ZNF695: variants seen among roughly 807,000 people sequenced by gnomAD.
The protein encoded by ZNF695 is zinc finger protein SBZF3.
ZNF695 carries 11 observed loss-of-function variants against 11.2 expected under a neutral mutation model. The observed-to-expected ratio is 0.98, with a 90% confidence interval of 0.62 to 1.62. The LOEUF is 1.62. ZNF695 is among the 40% of genes most tolerant of loss of function. The pLI is 0.00. For missense variants in ZNF695, 559 were observed against 590.5 expected (o/e 0.95, Z 0.55); for synonymous variants, 190 against 201.4 (o/e 0.94, Z 0.48).
At chr1:246,969,663 C>G (rs1434506443) in intron 4 of ZNF695, 1 of 152,202 alleles carries the variant, frequency 6.6e-6, no homozygotes, top group Non-Finnish European at 1.5e-5. Context: ...TAAAGAACTA[C>G]CTGAGTCTGG....
chr1:247,007,790 A>G, intron 1 of ZNF695, 116 bp downstream of exon 1: 2 of 1,249,298 alleles, frequency 1.6e-6, no homozygotes, highest in South Asian at 2.1e-5. Context: ...ACTCGGCCGC[A>G]CACTCCGGAG....
rs1263331454 is a variant in ZNF695 at position 246,987,423 on chromosome 1, G to A, written c.1092C>T (p.Ser364=). ...TTCTCCTATGTTCAGTCAGATGTGA[G>A]CTCTGGTTAAAGGCTTTTCCACATT... ...CEECGKAFNQ[S]SHLTEHRRIH... The change falls in exon 4 of 4, where the codon AGC becomes AGT. Residue 364 remains serine, a synonymous_variant. Transcript: ENST00000339986. The A allele has an allele frequency of 5.0e-6, 8 of 1,612,430 alleles. No individual in the cohort carries two copies. Among genetic ancestry groups the A allele is most frequent in the Admixed American group, 3.3e-5 (2 of 59,762 alleles).
intron 3 of ZNF695, chr1:246,995,912 C>A: frequency 1.5e-5 from 5 of 325,982 alleles, no homozygotes; most frequent in Non-Finnish European, 3.0e-5. Context: ...GAATAGAAAA[C>A]ACAGAAACAA....
chr1:246,978,944 G>A (rs552832433), intron 4 of ZNF695, among the ~76,000 whole-genome samples: 9 of 152,146 alleles, frequency 5.9e-5, no homozygotes, highest in East Asian at 3.8e-4. Flanking sequence ...TACAGTGATC[G>A]TGAATGCTTT....
intron 5 of ZNF695, among the ~76,000 whole-genome samples, chr1:246,961,360 C>T (rs552092829): frequency 2.8e-4 from 42 of 152,272 alleles, no homozygotes; most frequent in Non-Finnish European, 1.2e-4. Context: ...CGTAGATACT[C>T]GATAAAGTCT....
At chr1:246,959,828 T>G (rs1668119433) in intron 5 of ZNF695, among the ~76,000 whole-genome samples, 1 of 152,204 alleles carries the variant, frequency 6.6e-6, no homozygotes, top group Non-Finnish European at 1.5e-5. Flanking sequence ...CAGCTAGATG[T>G]TCTTAGTTCT....
intron 2 of ZNF695, among the ~76,000 whole-genome samples, 178 bp from the exon 3 acceptor site, chr1:246,999,618 C>T (rs560709868): frequency 2.7e-4 from 41 of 152,194 alleles, no homozygotes; most frequent in African/African-American, 9.2e-4. Context: ...GAGTCCTTAG[C>T]CCTGCTACCA....
intron 4 of ZNF695, among the ~76,000 whole-genome samples, chr1:246,972,208 A>G (rs1668445417): frequency 6.6e-6 from 1 of 152,160 alleles, no homozygotes. Context: ...CCTACTAACC[A>G]GGCCTCCTAG....
intron 5 of ZNF695, among the ~76,000 whole-genome samples, chr1:246,950,917 T>C (rs1472580599): frequency 5.3e-5 from 8 of 152,064 alleles, no homozygotes; most frequent in Non-Finnish European, 5.9e-5. Context: ...CCACTCCAAA[T>C]TGAAAAATAT....
intron 5 of ZNF695, among the ~76,000 whole-genome samples, chr1:246,964,376 C>T (rs571504057): frequency 9.2e-5 from 14 of 152,096 alleles, no homozygotes; most frequent in East Asian, 3.9e-4. Flanking sequence ...GAAAAAAAGA[C>T]GCTACTATTA....
intron 3 of ZNF695, among the ~76,000 whole-genome samples, chr1:246,993,907 C>T (rs1328273382): frequency 6.6e-6 from 1 of 152,232 alleles, no homozygotes; most frequent in African/African-American, 2.4e-5. Flanking sequence ...GGTGCGGTGG[C>T]TCACGCCTGT....
downstream of ZNF695, among the ~76,000 whole-genome samples, chr1:246,980,335 G>A (rs1464883370): frequency 2.0e-5 from 3 of 150,864 alleles, no homozygotes; most frequent in Non-Finnish European, 4.4e-5. Context: ...CTATTTGGCT[G>A]TTATATTATA....
At chr1:246,984,280 TAA>T (rs1278200712), downstream of ZNF695, among the ~76,000 whole-genome samples, 3,271 of 130,866 alleles carry the variant, frequency 0.025, 49 homozygotes, top group African/African-American at 0.03. Flanking sequence ...ACACAGGTTT[TAA>T]AAAAAAAAAA....
At chr1:246,976,773 G>C (rs539885430) in intron 4 of ZNF695, among the ~76,000 whole-genome samples, 4 of 152,024 alleles carry the variant, frequency 2.6e-5, no homozygotes, top group Admixed American at 6.6e-5. Context: ...CAGCCTGGGC[G>C]ACAGAGCGAA....
Position 247,007,973 on chromosome 1 carries a change from C to A in ZNF695, c.-65G>T. On this transcript the variant is annotated 5_prime_UTR_variant, in exon 1 of 4. Coordinates refer to ENST00000339986, the MANE Select transcript of ZNF695 (RefSeq NM_020394.5). ...CTCGCAATACCTGCAGGCCACAGGG[C>A]GATGGAGCCTGCGGCAGTCACCCGG... 2.1e-6 allele frequency: 3 copies of A among 1,443,620 alleles called. No individual in the cohort carries two copies. Among genetic ancestry groups the A allele is most frequent in the South Asian group, 3.1e-5 (2 of 65,082 alleles). The allele number at this position is 1,443,620 out of a possible 1,614,324, so 89.4% of individuals were successfully genotyped here. A position where few individuals can be genotyped will look rare whatever the true frequency, so the allele number is the denominator to read the frequency against.
chr1:246,958,082 A>G (rs1344938888), intron 5 of ZNF695, among the ~76,000 whole-genome samples: 7 of 148,640 alleles, frequency 4.7e-5, no homozygotes, highest in Non-Finnish European at 8.9e-5. Context: ...TTTTTGAGAC[A>G]GAGTCTTGCT....
In ZNF695 at chr1:246,978,952, T is replaced by C. The variant is rs182911961; in HGVS notation, c.390+9173A>G. 4.0e-4 allele frequency among the ~76,000 whole-genome samples: 61 copies of C among 152,316 alleles called. No homozygotes were observed. The East Asian group carries it at 9.5e-3, about 24-fold the overall frequency. Reference sequence around the variant, plus strand: ...AGTAAGATACAGTGATCGTGAATGCTTTTAAGTGGACTCTAGTCTTGTTTA... The same window carrying C: ...AGTAAGATACAGTGATCGTGAATGCCTTTAAGTGGACTCTAGTCTTGTTTA... On this transcript the variant is annotated intron_variant, in intron 4 of 5. Transcript: ENST00000487338.
chr1:246,957,378 G>A (rs1365564253), intron 5 of ZNF695, among the ~76,000 whole-genome samples: 11 of 146,940 alleles, frequency 7.5e-5, no homozygotes, highest in African/African-American at 2.3e-4. Context: ...GCGAAACTCC[G>A]TCTAAAAAAA....
intron 5 of ZNF695, among the ~76,000 whole-genome samples, chr1:246,950,025 C>T (rs1333020256): frequency 6.6e-6 from 1 of 152,108 alleles, no homozygotes; most frequent in Admixed American, 6.6e-5. Flanking sequence ...CTATGTGCCT[C>T]ATTTTACGAA....
Sources: allele counts gnomAD v4.1 joint callset (sites outside exome capture counted in the v4.1 genomes callset), GRCh38; gene constraint gnomAD v4.1.1; transcripts MANE v1.5; gene names NCBI Gene and HGNC (gene_info 2026-07-23, HGNC 2026-07-21).